The following SEM1 variants were observed in gnomAD, a reference collection of about 807,000 sequenced individuals.
SEM1 encodes the protein SEM1 26S proteasome subunit.
In SEM1, 3 loss-of-function variants were observed where a neutral mutation model predicts 12.7. The observed-to-expected ratio is 0.24, with a 90% CI of 0.11 to 0.61. The LOEUF is 0.61. Ranked by LOEUF, SEM1 falls within the 20% of genes least tolerant of loss-of-function variation. SEM1 has a pLI of 0.88. For missense variants in SEM1, 59 were observed against 81.3 expected, an observed-to-expected ratio of 0.73 and a Z score of 1.06; for synonymous variants, 30 against 27.8, an observed-to-expected ratio of 1.08 and a Z score of -0.25.
chr7:96,665,048 G>C (rs528945219), intron 2 of SEM1, among the ~76,000 whole-genome samples: 2 of 152,158 alleles, frequency 1.3e-5, no homozygotes, highest in Non-Finnish European at 2.9e-5. Flanking sequence ...TGTTCAGTGG[G>C]CTCAGCATTG....
chr7:96,621,480 T>C (rs1414972320), downstream of SEM1, among the ~76,000 whole-genome samples: 1 of 152,106 alleles, frequency 6.6e-6, no homozygotes, highest in Non-Finnish European at 1.5e-5. Flanking sequence ...AGAAGCAAAA[T>C]GAAAGAGCAG....
At chr7:96,501,216 G>T (rs1803526396), upstream of SEM1, among the ~76,000 whole-genome samples, 1 of 152,076 alleles carries the variant, frequency 6.6e-6, no homozygotes, top group African/African-American at 2.4e-5. Flanking sequence ...CCTTGCCACA[G>T]AAGTCTCAGT....
At chr7:96,563,906 G>A (rs1435787275) in intron 2 of SEM1, among the ~76,000 whole-genome samples, 1 of 151,990 alleles carries the variant, frequency 6.6e-6, no homozygotes, top group Non-Finnish European at 1.5e-5. Flanking sequence ...ATAAGCTTCA[G>A]TTAGATTCAT....
At chr7:96,565,751 C>T (rs1232323457) in intron 2 of SEM1, among the ~76,000 whole-genome samples, 2 of 151,754 alleles carry the variant, frequency 1.3e-5, no homozygotes, top group African/African-American at 4.8e-5. Context: ...GTCAGAGATG[C>T]TTGTTAAAAA....
exon 4 of SEM1, chr7:96,483,204 A>G (rs1051389206): frequency 1.1e-4 from 17 of 152,330 alleles, no homozygotes; most frequent in African/African-American, 3.1e-4. Flanking sequence ...TCATTTGATC[A>G]ATAACTCCAT....
At chr7:96,690,578 A>G (rs549152078) in intron 2 of SEM1, among the ~76,000 whole-genome samples, 1 of 152,322 alleles carries the variant, frequency 6.6e-6, no homozygotes, top group African/African-American at 2.4e-5. Flanking sequence ...CCTCAGCACA[A>G]CTGTTAATAT....
In SEM1 at chr7:96,551,486, G is replaced by A. The variant is rs1033886267; in HGVS notation, c.171-44788C>T. Among the ~76,000 whole-genome samples, 3 of 151,990 alleles carry A rather than the reference G, an allele frequency of 2.0e-5. No homozygotes were observed. The East Asian group carries it at 5.8e-4, about 29-fold the overall frequency. ...AGGCCAAGGCTGGTGGATCACTTGA[G>A]GTCAGGAGTTCAAGACCAGCCTGGC... On this transcript the variant is annotated intron_variant and NMD_transcript_variant, in intron 2 of 3. Transcript: ENST00000466986.
At chr7:96,522,239 T>C (rs567820740) in intron 2 of SEM1, among the ~76,000 whole-genome samples, 2 of 152,208 alleles carry the variant, frequency 1.3e-5, no homozygotes, top group Middle Eastern at 6.8e-3. Context: ...ATGTTACCAT[T>C]ATATTTGCGT....
chr7:96,697,897 A>G (rs1388516955), intron 1 of SEM1, among the ~76,000 whole-genome samples: 2 of 152,160 alleles, frequency 1.3e-5, no homozygotes, highest in East Asian at 1.9e-4. Context: ...TCTGTAGGTT[A>G]TCATAATGCA....
intron 2 of SEM1, among the ~76,000 whole-genome samples, chr7:96,606,910 C>T (rs1807397927): frequency 1.3e-5 from 2 of 152,178 alleles, no homozygotes; most frequent in African/African-American, 2.4e-5. Flanking sequence ...TTCTTATTGC[C>T]TTGCTATGTC....
chr7:96,520,042 T>C (rs1384952553), intron 2 of SEM1, among the ~76,000 whole-genome samples: 3 of 152,068 alleles, frequency 2.0e-5, no homozygotes, highest in Non-Finnish European at 4.4e-5. Flanking sequence ...GGGAAATATT[T>C]TGATGGATTG....
At chr7:96,650,396 GGGCA>G in intron 2 of SEM1, 3 of 667,548 alleles carry the variant, frequency 4.5e-6, no homozygotes, top group Non-Finnish European at 8.1e-6. Context: ...CCAGCCTCCT[GGGCA>G]TGTTCTCCAG....
At chr7:96,544,351 T>G (rs1584751303) in intron 2 of SEM1, among the ~76,000 whole-genome samples, 1 of 152,064 alleles carries the variant, frequency 6.6e-6, no homozygotes, top group African/African-American at 2.4e-5. Context: ...CTGTAAAATT[T>G]GTTAATATCT....
upstream of SEM1, among the ~76,000 whole-genome samples, chr7:96,499,610 T>C (rs1803437334): frequency 6.6e-6 from 1 of 152,188 alleles, no homozygotes; most frequent in Admixed American, 6.5e-5. Context: ...TAAGTCCTGA[T>C]GCTATCCTCA....
chr7:96,644,334 TC>T (rs1477813973), intron 2 of SEM1, among the ~76,000 whole-genome samples: 1 of 152,146 alleles, frequency 6.6e-6, no homozygotes, highest in Non-Finnish European at 1.5e-5. Flanking sequence ...CCAAGTTCTA[TC>T]AGCCTTGTAG....
At chr7:96,556,079 G>T (rs1490401832) in intron 2 of SEM1, among the ~76,000 whole-genome samples, 3 of 151,880 alleles carry the variant, frequency 2.0e-5, no homozygotes, top group African/African-American at 7.3e-5. Flanking sequence ...TGAGCCTATG[G>T]GTGTCGCTGC....
At chr7:96,690,361 C>G (rs1312803417) in intron 2 of SEM1, among the ~76,000 whole-genome samples, 1 of 152,000 alleles carries the variant, frequency 6.6e-6, no homozygotes, top group South Asian at 2.1e-4. Context: ...GGTGGCTGGT[C>G]ACTAACTGCA....
chr7:96,687,778 TATA>T (rs1335875022), downstream of SEM1, among the ~76,000 whole-genome samples: 2 of 151,950 alleles, frequency 1.3e-5, no homozygotes, highest in African/African-American at 2.4e-5. Flanking sequence ...AAACTTAAAG[TATA>T]ATAATAATTT....
intron 2 of SEM1, among the ~76,000 whole-genome samples, chr7:96,529,941 T>C (rs1489435676): frequency 6.6e-6 from 1 of 152,038 alleles, no homozygotes; most frequent in Non-Finnish European, 1.5e-5. Flanking sequence ...ATAAAAACAG[T>C]TGTACAACTT....
Sources: gnomAD v4.1 joint callset for allele counts (sites outside exome capture counted in the v4.1 genomes callset) on GRCh38, gnomAD v4.1.1 for gene constraint, MANE v1.5 for transcripts, NCBI Gene and HGNC (gene_info 2026-07-23, HGNC 2026-07-21) for gene names.